RFX6: variants seen among roughly 807,000 people sequenced by gnomAD.
RFX6 encodes regulatory factor X6, also known as DNA-binding protein RFX6.
A neutral mutation model predicts 110.8 loss-of-function variants in RFX6; 50 were observed. The ratio of observed to expected loss-of-function variants is 0.45; its 90% CI spans 0.36 to 0.57. RFX6 has a LOEUF of 0.57. Among genes scored for constraint, RFX6 ranks in the 20% least tolerant of loss-of-function variants. RFX6 has a pLI of 0.00. For missense variants in RFX6, 990 were observed against 1,127.0 expected (o/e 0.88, Z 1.74); for synonymous variants, 383 against 411.2 (o/e 0.93, Z 0.83).
chr6:116,880,316 G>A (rs2114660118), intron 2 of RFX6, among the ~76,000 whole-genome samples: 1 of 152,104 alleles, frequency 6.6e-6, no homozygotes, highest in South Asian at 2.1e-4. Context: ...TTTTATGTTA[G>A]CCATGATATT....
intron 7 of RFX6, among the ~76,000 whole-genome samples, chr6:116,914,493 G>C (rs1321371): frequency 0.36 from 54,577 of 151,964 alleles, 10,163 homozygotes; most frequent in African/African-American, 0.45. Flanking sequence ...TCTTTCGTGT[G>C]TTACTCATCC....
chr6:116,906,243 T>C (rs1775199827), intron 6 of RFX6, among the ~76,000 whole-genome samples: 1 of 152,238 alleles, frequency 6.6e-6, no homozygotes, highest in Non-Finnish European at 1.5e-5. Context: ...TCTGTCTTCA[T>C]GACAGTACCA....
chr6:116,907,235 T>G (rs1474106627), intron 6 of RFX6, among the ~76,000 whole-genome samples: 1 of 152,158 alleles, frequency 6.6e-6, no homozygotes, highest in African/African-American at 2.4e-5. Flanking sequence ...GTAATCCTGT[T>G]AATATGCTGT....
intron 2 of RFX6, among the ~76,000 whole-genome samples, chr6:116,878,161 G>GAAAA (rs1774507076): frequency 6.6e-6 from 1 of 152,164 alleles, no homozygotes; most frequent in South Asian, 2.1e-4. Flanking sequence ...CAATACAAAT[G>GAAAA]AAAACCACAT....
intron 9 of RFX6, among the ~76,000 whole-genome samples, chr6:116,917,464 CGTGA>C (rs1283002370): frequency 6.6e-6 from 1 of 151,802 alleles, no homozygotes; most frequent in Non-Finnish European, 1.5e-5. Flanking sequence ...GAGGCAGCTC[CGTGA>C]GTGAGTATAA....
At position 116,880,530 on chromosome 6, in the gene RFX6, T is replaced by C; in HGVS notation, c.381-14T>C. 11 of 1,610,690 alleles carry C rather than the reference T, an allele frequency of 6.8e-6. No homozygotes were observed. The highest frequency in any genetic ancestry group is 9.3e-6 in the Non-Finnish European group (11 of 1,177,670). ...AATAAAATATTTGACCTAATTTTTG[T>C]TCCTTTTTCTTAGGCTTGAAGAGAA... On this transcript the variant is annotated splice_polypyrimidine_tract_variant and intron_variant, in intron 2 of 18. Transcript: ENST00000332958.
chr6:116,883,451 T>A (rs138983449), intron 4 of RFX6, among the ~76,000 whole-genome samples: 1 of 152,158 alleles, frequency 6.6e-6, no homozygotes, highest in African/African-American at 2.4e-5. Flanking sequence ...TGGCCACATA[T>A]TTAATTCAAA....
chr6:116,889,309 C>T (rs1339065224), intron 4 of RFX6, among the ~76,000 whole-genome samples: 1 of 152,038 alleles, frequency 6.6e-6, no homozygotes, highest in Non-Finnish European at 1.5e-5. Context: ...ATTGATTTAA[C>T]CAGTAAATGT....
chr6:116,924,772 C>T lies in RFX6; in HGVS notation c.1659C>T (p.Asp553=). ...AGCAGGAGTTACAGAATTTATTGGA[C>T]AAGTATATGAAGAATTCAGGTAACT... ...DKEQELQNLL[D]KYMKNSDASK... Residue 553 remains aspartate, a synonymous_variant, in exon 15 of 19, where the codon GAC becomes GAT. Coordinates refer to ENST00000332958, the MANE Select transcript of RFX6 (RefSeq NM_173560.4). 2.5e-6 allele frequency: 4 copies of T among 1,586,448 alleles called. No individual in the cohort carries two copies. Among genetic ancestry groups the T allele is most frequent in the Non-Finnish European group, 3.5e-6 (4 of 1,154,860 alleles).
intron 11 of RFX6, 119 bp downstream of exon 11, chr6:116,919,415 GC>G: frequency 1.1e-6 from 1 of 896,224 alleles, no homozygotes; most frequent in Non-Finnish European, 1.9e-6. Flanking sequence ...ACAACTAAAT[GC>G]AACGTGAGAC....
At chr6:116,918,665 A>AT (rs1386393863) in intron 10 of RFX6, among the ~76,000 whole-genome samples, 2 of 151,418 alleles carry the variant, frequency 1.3e-5, no homozygotes, top group African/African-American at 4.8e-5. Flanking sequence ...TTATTTTAGT[A>AT]TTTTGGGGGT....
intron 6 of RFX6, among the ~76,000 whole-genome samples, chr6:116,910,653 A>G (rs910525577): frequency 2.6e-5 from 4 of 152,234 alleles, no homozygotes; most frequent in Admixed American, 1.3e-4. Context: ...GTGTACTTAA[A>G]TTTCTAAAAG....
At chr6:116,914,019 G>T (rs1393417060) in intron 7 of RFX6, among the ~76,000 whole-genome samples, 1 of 152,124 alleles carries the variant, frequency 6.6e-6, no homozygotes, top group East Asian at 1.9e-4. Context: ...TCCAACACCA[G>T]ATCTTATTTC....
At chr6:116,909,239 A>G (rs572023979) in intron 6 of RFX6, among the ~76,000 whole-genome samples, 90 of 152,146 alleles carry the variant, frequency 5.9e-4, no homozygotes, top group African/African-American at 2.0e-3. Context: ...CTCTTTTCCT[A>G]TATCACCAAA....
intron 4 of RFX6, among the ~76,000 whole-genome samples, chr6:116,883,330 T>C (rs1005956000): frequency 2.4e-4 from 37 of 152,208 alleles, no homozygotes; most frequent in African/African-American, 8.4e-4. Context: ...AGCTTCTCTG[T>C]CATAGTACTA....
chr6:116,909,735 C>CTTTTTTTTTTTTTTTTTTTT (rs59264999), intron 6 of RFX6, among the ~76,000 whole-genome samples: 2 of 67,362 alleles, frequency 3.0e-5, no homozygotes, highest in African/African-American at 1.2e-4. Flanking sequence ...TCATTTAAAT[C>CTTTTTTTTTTTTTTTTTTTT]TTTTTTTTTT....
At chr6:116,909,159 C>A (rs1775276989) in intron 6 of RFX6, among the ~76,000 whole-genome samples, 1 of 151,844 alleles carries the variant, frequency 6.6e-6, no homozygotes, top group Non-Finnish European at 1.5e-5. Context: ...TAAGAGTATT[C>A]CTTTATTCCT....
chr6:116,930,875 T>C (rs952543328), intron 18 of RFX6, among the ~76,000 whole-genome samples: 2 of 152,146 alleles, frequency 1.3e-5, no homozygotes, highest in African/African-American at 4.8e-5. Flanking sequence ...GAAGCCACTA[T>C]GGCATTTGAG....
At chr6:116,906,267 A>G (rs1015002009) in intron 6 of RFX6, among the ~76,000 whole-genome samples, 3 of 152,124 alleles carry the variant, frequency 2.0e-5, no homozygotes, top group African/African-American at 7.2e-5. Flanking sequence ...TGTTTTGATT[A>G]CTGTAACTTT....
Sources: gnomAD v4.1 joint callset for allele counts (sites outside exome capture counted in the v4.1 genomes callset) on GRCh38, gnomAD v4.1.1 for gene constraint, MANE v1.5 for transcripts, NCBI Gene and HGNC (gene_info 2026-07-23, HGNC 2026-07-21) for gene names.